RIT2: variants seen among roughly 807,000 people sequenced by gnomAD.
RIT2 encodes the protein Ras like without CAAX 2.
RIT2 carries 24 observed loss-of-function variants against 23.7 expected under a neutral mutation model. The ratio of observed to expected loss-of-function variants is 1.01; its 90% CI spans 0.73 to 1.43. The LOEUF (loss-of-function observed/expected upper bound fraction) is 1.43, where lower values mean the gene tolerates loss of function less well. RIT2 is among the 40% of genes most tolerant of loss of function. RIT2 has a pLI of 0.00. For synonymous variants in RIT2, 107 were observed against 91.1 expected (o/e 1.17, Z -0.99); for missense variants, 236 against 266.9 (o/e 0.88, Z 0.81).
intron 4 of RIT2, among the ~76,000 whole-genome samples, chr18:42,804,102 C>T (rs11874949): frequency 3.9e-5 from 6 of 152,088 alleles, no homozygotes; most frequent in Non-Finnish European, 8.8e-5. Flanking sequence ...GTGGATTATA[C>T]ATCACAACAA....
intron 4 of RIT2, among the ~76,000 whole-genome samples, chr18:42,753,237 C>T (rs1055746473): frequency 3.9e-5 from 6 of 151,996 alleles, no homozygotes; most frequent in Non-Finnish European, 7.4e-5. Flanking sequence ...TTCTAGCTCT[C>T]TGCATATTTT....
intron 4 of RIT2, among the ~76,000 whole-genome samples, chr18:42,843,980 G>T (rs971703070): frequency 6.6e-6 from 1 of 152,158 alleles, no homozygotes; most frequent in Admixed American, 6.5e-5. Context: ...AAATATAAAA[G>T]AGATAGAGTC....
intron 2 of RIT2, among the ~76,000 whole-genome samples, chr18:42,986,030 G>T (rs550129958): frequency 2.7e-5 from 4 of 150,420 alleles, no homozygotes; most frequent in East Asian, 2.0e-4. Context: ...AATATGTATG[G>T]TTTTTTCTTT....
In RIT2 at chr18:42,913,847, G is replaced by T. The variant is rs190515248; in HGVS notation, c.426+9725C>A. Among the ~76,000 whole-genome samples, 309 of 152,084 alleles carry T rather than the reference G, an allele frequency of 2.0e-3. 2 individuals carry two copies. The highest frequency in any genetic ancestry group is 7.0e-3 in the African/African-American group (290 of 41,540). ...CTTGTAAATAACCAAGAGTAGATTT[G>T]AAGTGTTCTCACCACAAAAAATAAG... On this transcript the variant is annotated intron_variant, in intron 4 of 4. Coordinates refer to ENST00000326695, the MANE Select transcript of RIT2 (RefSeq NM_002930.4).
chr18:42,782,296 A>G (rs1296424540), intron 4 of RIT2, among the ~76,000 whole-genome samples: 3 of 152,160 alleles, frequency 2.0e-5, no homozygotes, highest in Non-Finnish European at 4.4e-5. Flanking sequence ...TTGAATAACT[A>G]CTATGCTCTT....
intron 3 of RIT2, among the ~76,000 whole-genome samples, chr18:42,924,770 T>C (rs1909140421): frequency 6.6e-6 from 1 of 152,052 alleles, no homozygotes; most frequent in Non-Finnish European, 1.5e-5. Flanking sequence ...AAAGTGTTTA[T>C]AAGAACTCAC....
intron 4 of RIT2, among the ~76,000 whole-genome samples, chr18:42,843,065 T>C (rs17713637): frequency 0.1 from 15,583 of 152,198 alleles, 956 homozygotes; most frequent in Middle Eastern, 0.24. Context: ...TAGATATTCT[T>C]CTAAGCATTG....
At chr18:42,894,986 C>G (rs150412872) in intron 4 of RIT2, among the ~76,000 whole-genome samples, 105 of 152,154 alleles carry the variant, frequency 6.9e-4, no homozygotes, top group African/African-American at 2.5e-3. Context: ...TATGAAGAAC[C>G]TAGTTTGGAA....
chr18:42,965,167 G>A (rs1012933104), intron 3 of RIT2, among the ~76,000 whole-genome samples: 5 of 152,164 alleles, frequency 3.3e-5, no homozygotes, highest in African/African-American at 4.8e-5. Flanking sequence ...ATACTGAATA[G>A]TTCACTGTTA....
intron 1 of RIT2, among the ~76,000 whole-genome samples, chr18:43,097,366 A>T (rs62090498): frequency 0.089 from 13,497 of 151,966 alleles, 658 homozygotes; most frequent in East Asian, 0.15. Flanking sequence ...AGGAGGTTAA[A>T]TATACAAATC....
chr18:42,750,867 G>T (rs674049), intron 4 of RIT2, among the ~76,000 whole-genome samples: 81,747 of 151,338 alleles, frequency 0.54, 24,891 homozygotes, highest in Middle Eastern at 0.71. Flanking sequence ...GTCATACAGG[G>T]ATACTAAAAT....
chr18:42,940,172 C>T lies in RIT2; in HGVS notation c.235-16409G>A, dbSNP rs1159108466. On this transcript the variant is annotated intron_variant, in intron 3 of 4. Coordinates refer to ENST00000326695, the MANE Select transcript of RIT2 (RefSeq NM_002930.4). ...TCATCCCCAAGGTTCAGTTTAAATGCTGCAGGTCACATCTCCTACTTCTCT... is the reference window on the plus strand; with the variant it reads ...TCATCCCCAAGGTTCAGTTTAAATGTTGCAGGTCACATCTCCTACTTCTCT... Among the ~76,000 whole-genome samples, 12 of 146,984 alleles carry T rather than the reference C, an allele frequency of 8.2e-5. No individual in the cohort carries two copies. In the East Asian group the frequency reaches 2.4e-3, roughly 30 times the overall value.
At chr18:43,103,497 G>A (rs1913735608) in intron 1 of RIT2, among the ~76,000 whole-genome samples, 1 of 152,164 alleles carries the variant, frequency 6.6e-6, no homozygotes, top group Admixed American at 6.5e-5. Flanking sequence ...AAGAAACTGT[G>A]TAACTGTAAA....
At chr18:42,991,493 A>T (rs1910847161) in intron 2 of RIT2, among the ~76,000 whole-genome samples, 1 of 152,190 alleles carries the variant, frequency 6.6e-6, no homozygotes, top group Non-Finnish European at 1.5e-5. Context: ...GGGCACCTTG[A>T]AATTGTCATG....
At chr18:42,856,388 A>G (rs1271155445) in intron 4 of RIT2, among the ~76,000 whole-genome samples, 13 of 152,164 alleles carry the variant, frequency 8.5e-5, no homozygotes, top group African/African-American at 9.7e-5. Flanking sequence ...TTTTTGCCCA[A>G]TCATATTTCT....
At chr18:42,806,639 C>T (rs189281335) in intron 4 of RIT2, among the ~76,000 whole-genome samples, 124 of 152,130 alleles carry the variant, frequency 8.2e-4, no homozygotes, top group African/African-American at 2.6e-3. Context: ...TGTAAATGTC[C>T]GCACAGTGAA....
chr18:43,006,575 A>G (rs1911233205), intron 2 of RIT2, among the ~76,000 whole-genome samples: 1 of 151,726 alleles, frequency 6.6e-6, no homozygotes, highest in African/African-American at 2.4e-5. Flanking sequence ...AGGCTTAAGT[A>G]GAAAGAGCTC....
chr18:42,837,474 T>TTA (rs1555641180), intron 4 of RIT2, among the ~76,000 whole-genome samples: 35 of 149,402 alleles, frequency 2.3e-4, no homozygotes, highest in African/African-American at 3.7e-4. Flanking sequence ...GCCTCTTTTT[T>TTA]AAAAAAAAAA....
chr18:43,085,651 T>A (rs1383919967), intron 1 of RIT2, among the ~76,000 whole-genome samples: 2 of 152,160 alleles, frequency 1.3e-5, no homozygotes, highest in Non-Finnish European at 2.9e-5. Flanking sequence ...GTTCCATCAA[T>A]GTTGTTATAA....
Sources: gnomAD v4.1 joint callset for allele counts (sites outside exome capture counted in the v4.1 genomes callset) on GRCh38, gnomAD v4.1.1 for gene constraint, MANE v1.5 for transcripts, NCBI Gene and HGNC (gene_info 2026-07-23, HGNC 2026-07-21) for gene names.